LYPD4: variants seen among roughly 807,000 people sequenced by gnomAD.
LYPD4 encodes the protein ly6/PLAUR domain-containing protein 4.
LYPD4 carries 20 observed loss-of-function variants against 18.2 expected under a neutral mutation model. That is an observed-to-expected ratio of 1.10 (90% CI 0.77 to 1.59). LYPD4 has a LOEUF of 1.59. Ranked by LOEUF, LYPD4 falls within the 40% of genes most tolerant of loss-of-function variation. The pLI is 0.00. For missense variants in LYPD4, 278 were observed against 300.3 expected, an observed-to-expected ratio of 0.93 and a Z score of 0.55; for synonymous variants, 111 against 118.3, an observed-to-expected ratio of 0.94 and a Z score of 0.40.
At chr19:41,839,701 T>TGTGTGTGTGTGTGTGTGC in intron 1 of LYPD4, 1 of 190,268 alleles carries the variant, frequency 5.3e-6, no homozygotes, top group Non-Finnish European at 1.1e-5. Context: ...TGTGTGTGTG[T>TGTGTGTGTGTGTGTGTGC]GTGTAAGTTA....
downstream of LYPD4, among the ~76,000 whole-genome samples, chr19:41,836,326 A>AAAAAAAAAAAAAAAC: frequency 2.2e-5 from 3 of 133,582 alleles, no homozygotes; most frequent in Non-Finnish European, 4.8e-5. Context: ...AAAAAAAAAA[A>AAAAAAAAAAAAAAAC]ACAACTACTG....
chr19:41,840,839 A>T (rs8100806), intron 1 of LYPD4, among the ~76,000 whole-genome samples: 68,944 of 151,714 alleles, frequency 0.45, 16,384 homozygotes, highest in Middle Eastern at 0.59. Context: ...CAAAAAAAAA[A>T]AAAATAAAAT....
At chr19:41,841,447 C>A (rs916874340) in intron 1 of LYPD4, among the ~76,000 whole-genome samples, 6 of 151,920 alleles carry the variant, frequency 3.9e-5, no homozygotes, top group African/African-American at 1.5e-4. Flanking sequence ...AGCCTCAAAT[C>A]ACAAGGTCAG....
At chr19:41,839,169 C>T (rs782411688) in intron 2 of LYPD4, 50 bp downstream of exon 2, 7 of 1,613,964 alleles carry the variant, frequency 4.3e-6, no homozygotes, top group Admixed American at 1.7e-5. Context: ...GACATGAATC[C>T]AGCCTCCCAC....
Position 41,838,095 on chromosome 19 carries a change from T to C in LYPD4, c.378A>G (p.Lys126=), listed in dbSNP as rs1555831239. The stretch of plus-strand genomic sequence containing the variant: ...TAGACTTAGGAGTGCTGGCCTTGAG[T>C]TTCACAAAAGGCTCCAAATTGGTGA... ...NNLTNLEPFV[K]LKASTPKSIT... is the part of the protein sequence containing the mutation. The change falls in exon 4 of 5, where the codon AAA becomes AAG. Residue 126 remains lysine (K), a synonymous_variant. Transcript: ENST00000609812. The C allele has an allele frequency of 6.2e-7, 1 of 1,613,878 alleles. No individual in the cohort carries two copies.
Position 41,837,098 on chromosome 19 carries a change from T to A in LYPD4, c.*45A>T. ...AGAAAGGGAACTCTGCTATTTTATT[T>A]GTTATGTGAAAGAGTCTGGGTGCTT... On this transcript the variant is annotated 3_prime_UTR_variant, in exon 5 of 5. Coordinates refer to ENST00000609812, the MANE Select transcript of LYPD4 (RefSeq NM_173506.7). 1 of 1,611,526 alleles carries A rather than the reference T, an allele frequency of 6.2e-7. No homozygotes were observed. Among genetic ancestry groups the A allele is most frequent in the Non-Finnish European group, 8.5e-7 (1 of 1,178,876 alleles).
At position 41,844,523 on chromosome 19, in the gene LYPD4, A is replaced by G. The variant is rs1183985191; in HGVS notation, c.-1066T>C. ...CCCGGTAATCACAGCGCTGGGAGAGAACGCATAAAAGAAGGGTAGCTCAGG... is the reference window on the plus strand; with the variant it reads ...CCCGGTAATCACAGCGCTGGGAGAGGACGCATAAAAGAAGGGTAGCTCAGG... On this transcript the variant is annotated 5_prime_UTR_variant, in exon 1 of 5. Transcript: ENST00000609812. 1 of 152,284 alleles carries G rather than the reference A, an allele frequency of 6.6e-6. No individual in the cohort carries two copies. Among genetic ancestry groups the G allele is most frequent in the Non-Finnish European group, 1.5e-5 (1 of 68,084 alleles). 9.4% of individuals were successfully genotyped at this position (152,284 alleles called of 1,614,324 possible).
intron 1 of LYPD4, 197 bp from the exon 2 acceptor site, chr19:41,839,602 C>T (rs1257892303): frequency 2.6e-6 from 1 of 389,790 alleles, no homozygotes; most frequent in Non-Finnish European, 4.7e-6. Flanking sequence ...AGAATCCTGG[C>T]TTACTGATAT....
chr19:41,842,876 T>A (rs1398102593), intron 1 of LYPD4, among the ~76,000 whole-genome samples: 2 of 136,390 alleles, frequency 1.5e-5, no homozygotes, highest in Admixed American at 7.5e-5. Flanking sequence ...AAATAGTATA[T>A]AACATAATAT....
At chr19:41,838,467 C>T (rs1343841636) in intron 3 of LYPD4, among the ~76,000 whole-genome samples, 2 of 152,008 alleles carry the variant, frequency 1.3e-5, no homozygotes, top group Admixed American at 6.6e-5. Context: ...TGCAGGACCT[C>T]CCCCAGCCCC....
intron 1 of LYPD4, among the ~76,000 whole-genome samples, chr19:41,840,696 C>T (rs539363524): frequency 6.6e-6 from 1 of 151,792 alleles, no homozygotes; most frequent in African/African-American, 2.4e-5. Context: ...CAGGCATGGT[C>T]GTGGACGCCT....
rs2073498248 is a variant in LYPD4 at position 41,839,353 on chromosome 19, C to T, written c.-68G>A. 7.1e-7 allele frequency: 1 copy of T among 1,401,090 alleles called. No homozygotes were observed. Among genetic ancestry groups the T allele is most frequent in the Non-Finnish European group, 1.0e-6 (1 of 987,572 alleles). The allele number at this position is 1,401,090 out of a possible 1,614,324, so 86.8% of individuals were successfully genotyped here. On this transcript the variant is annotated 5_prime_UTR_variant, in exon 2 of 5. Coordinates refer to ENST00000609812, the MANE Select transcript of LYPD4 (RefSeq NM_173506.7). ...TCAGTTTCAGTCTGGATCCCAAGCT[C>T]AGTTCCCATCAGTCCCCGAATTCTT...
Position 41,837,300 on chromosome 19 carries a change from T to C in LYPD4, c.584A>G (p.His195Arg). The change falls in exon 5 of 5, where the codon CAT becomes CGT. Residue 195 changes from histidine (H) to arginine (R), a missense_variant. Coordinates refer to ENST00000609812, the MANE Select transcript of LYPD4 (RefSeq NM_173506.7). ...TFLLMGCAREHNQLLADFHHI... is the reference protein window; with the variant it reads ...TFLLMGCARERNQLLADFHHI... Reference sequence around the variant, plus strand: ...ATGAAAATCTGCTAAAAGCTGGTTATGTTCACGAGCACACCCCATGAGGAG... The same window carrying C: ...ATGAAAATCTGCTAAAAGCTGGTTACGTTCACGAGCACACCCCATGAGGAG... The C allele has an allele frequency of 6.2e-7, 1 of 1,614,060 alleles. No individual in the cohort carries two copies. The highest frequency in any genetic ancestry group is 1.3e-5 in the African/African-American group (1 of 75,036).
chr19:41,837,584 C>T (rs2073407458), intron 4 of LYPD4, among the ~76,000 whole-genome samples: 1 of 151,940 alleles, frequency 6.6e-6, no homozygotes, highest in South Asian at 2.1e-4. Context: ...ATCCCAGCTA[C>T]TTAGGAGGCT....
In LYPD4 at chr19:41,844,081, G is replaced by A. The variant is rs2073751345; in HGVS notation, c.-624C>T. The stretch of plus-strand genomic sequence containing the variant: ...GGGGCACAAAGGTGGGGCTCTCAGG[G>A]AGAAGAGGAGTCGATTTTAGAGGGG... On this transcript the variant is annotated 5_prime_UTR_variant, in exon 1 of 5. Coordinates refer to ENST00000609812, the MANE Select transcript of LYPD4 (RefSeq NM_173506.7). 6.6e-6 allele frequency: 1 copy of A among 152,512 alleles called. No individual in the cohort carries two copies. Among genetic ancestry groups the A allele is most frequent in the Non-Finnish European group, 1.5e-5 (1 of 68,358 alleles). 9.4% of individuals were successfully genotyped at this position (152,512 alleles called of 1,614,324 possible).
Position 41,837,256 on chromosome 19 carries a change from C to T in LYPD4, c.628G>A (p.Val210Met). Reference protein sequence around the residue: ...ADFHHIGSIKVTEVLNILEKS... With the variant: ...ADFHHIGSIKMTEVLNILEKS... Reference sequence around the variant, plus strand: ...TCTAAGATGTTGAGGACCTCAGTCACTTTGATGCTCCCAATATGATGAAAA... The same window carrying T: ...TCTAAGATGTTGAGGACCTCAGTCATTTTGATGCTCCCAATATGATGAAAA... Residue 210 changes from valine (V) to methionine (M), a missense_variant, in exon 5 of 5, where the codon GTG becomes ATG. By Grantham distance (21) the Val-to-Met change is conservative. Coordinates refer to ENST00000609812, the MANE Select transcript of LYPD4 (RefSeq NM_173506.7). 4.3e-6 allele frequency: 7 copies of T among 1,614,100 alleles called. No homozygotes were observed. The highest frequency in any genetic ancestry group is 5.9e-6 in the Non-Finnish European group (7 of 1,179,976).
rs2073397047 is a variant in LYPD4, at chr19:41,837,295, G to A, written c.589C>T (p.Gln197Ter). ...LLMGCAREHN[Q>*]LLADFHHIGS... ...ATATGATGAAAATCTGCTAAAAGCT[G>A]GTTATGTTCACGAGCACACCCCATG... Residue 197 changes from glutamine (Q) to a stop codon, truncating the protein, a stop_gained, in exon 5 of 5, where the codon CAG becomes TAG. Coordinates refer to ENST00000609812, the MANE Select transcript of LYPD4 (RefSeq NM_173506.7). LOFTEE classifies it low-confidence loss of function (END_TRUNC). 6.2e-7 allele frequency: 1 copy of A among 1,613,968 alleles called. No individual in the cohort carries two copies. Among genetic ancestry groups the A allele is most frequent in the African/African-American group, 1.3e-5 (1 of 74,994 alleles).
At position 41,839,336 on chromosome 19, in the gene LYPD4, A is replaced by G; in HGVS notation, c.-51T>C. ...TAGAGGTCAGTCTGGAATCAGTTTC[A>G]GTCTGGATCCCAAGCTCAGTTCCCA... On this transcript the variant is annotated 5_prime_UTR_variant, in exon 2 of 5. Transcript: ENST00000609812. 6.4e-7 allele frequency: 1 copy of G among 1,559,164 alleles called. No homozygotes were observed. The highest frequency in any genetic ancestry group is 8.8e-7 in the Non-Finnish European group (1 of 1,129,992).
chr19:41,839,680 T>TTGTG (rs782545536), intron 1 of LYPD4: 117 of 213,582 alleles, frequency 5.5e-4, no homozygotes, highest in African/African-American at 2.4e-3. Flanking sequence ...CTCGTGTGTG[T>TTGTG]TGTGTGTGTG....
Sources: allele counts gnomAD v4.1 joint callset (sites outside exome capture counted in the v4.1 genomes callset), GRCh38; gene constraint gnomAD v4.1.1; transcripts MANE v1.5; gene names NCBI Gene and HGNC (gene_info 2026-07-23, HGNC 2026-07-21).